Variants in INSC observed in about 807,000 individuals in gnomAD.
INSC encodes the protein protein inscuteable homolog.
A neutral mutation model predicts 58.6 loss-of-function variants in INSC; 67 were observed. The observed-to-expected ratio is 1.14, with a 90% CI of 0.94 to 1.40. The LOEUF (loss-of-function observed/expected upper bound fraction) is 1.40, where lower values mean the gene tolerates loss of function less well. INSC is among the 40% of genes most tolerant of loss of function. INSC has a pLI of 0.00. For synonymous variants in INSC, 262 were observed against 276.1 expected, an observed-to-expected ratio of 0.95 and a Z score of 0.51; for missense variants, 714 against 692.0, an observed-to-expected ratio of 1.03 and a Z score of -0.36.
At position 15,244,526 on chromosome 11, in the gene INSC, C is replaced by T. The variant is rs77500970; in HGVS notation, c.1471-1386C>T. On this transcript the variant is annotated intron_variant, in intron 12 of 12. Transcript: ENST00000379556. ...GTCCAGGTAATGAGTGGTACCCCTG[C>T]CTTGTGCTCAATATAACCTTGTATC... Among the ~76,000 whole-genome samples the T allele has an allele frequency of 4.4e-3, 675 of 152,234 alleles. 2 individuals carry two copies. The highest frequency in any genetic ancestry group is 0.015 in the African/African-American group (643 of 41,530).
intron 1 of INSC, among the ~76,000 whole-genome samples, chr11:15,139,897 A>G (rs1233930672): frequency 6.6e-6 from 1 of 152,190 alleles, no homozygotes. Context: ...TTTTCAGCTC[A>G]GAGCTAGCTC....
At chr11:15,256,239 C>T in the INSC span, among the ~76,000 whole-genome samples, 2 of 152,182 alleles carry the variant, frequency 1.3e-5, no homozygotes, top group Non-Finnish European at 2.9e-5. Context: ...CCATGCATGA[C>T]TTGAGGAACA....
At chr11:15,158,724 A>G (rs1378487109) in intron 2 of INSC, among the ~76,000 whole-genome samples, 2 of 152,098 alleles carry the variant, frequency 1.3e-5, no homozygotes, top group Non-Finnish European at 2.9e-5. Context: ...GGGGGTAATA[A>G]TACTACTTCC....
intron 7 of INSC, among the ~76,000 whole-genome samples, chr11:15,209,605 A>G (rs562426453): frequency 2.0e-4 from 30 of 152,070 alleles, no homozygotes; most frequent in African/African-American, 6.5e-4. Flanking sequence ...CTTCCCCACC[A>G]AGAGACACTA....
At chr11:15,190,904 C>G (rs1476689266) in intron 6 of INSC, 90 bp downstream of exon 6, 1 of 830,104 alleles carries the variant, frequency 1.2e-6, no homozygotes, top group East Asian at 2.5e-5. Flanking sequence ...CTCACGAGGT[C>G]TGTCTTGGCC....
In INSC at chr11:15,226,204, G is replaced by A. The variant is rs139199555; in HGVS notation, c.1170+376G>A. Among the ~76,000 whole-genome samples the A allele has an allele frequency of 2.8e-3, 425 of 152,184 alleles. 3 individuals carry two copies. The highest frequency in any genetic ancestry group is 9.3e-3 in the African/African-American group (388 of 41,528). On this transcript the variant is annotated intron_variant, in intron 9 of 12. Transcript: ENST00000379556. ...CTGGGAGGCGGAAAGACCCATGGAA[G>A]GTGCCTAGACCTCCTCTGAAGGTCT...
intron 7 of INSC, among the ~76,000 whole-genome samples, chr11:15,219,510 G>A (rs557278610): frequency 6.6e-6 from 1 of 152,300 alleles, no homozygotes; most frequent in South Asian, 2.1e-4. Context: ...CAGAGCAGCA[G>A]TCTGGACTAG....
the INSC span, among the ~76,000 whole-genome samples, chr11:15,259,104 A>G: frequency 6.6e-6 from 1 of 152,190 alleles, no homozygotes; most frequent in African/African-American, 2.4e-5. Flanking sequence ...ATCAAATTCC[A>G]ATACAACTCA....
chr11:15,121,512 T>A (rs1266324055), intron 1 of INSC, among the ~76,000 whole-genome samples: 1 of 152,218 alleles, frequency 6.6e-6, no homozygotes, highest in East Asian at 1.9e-4. Context: ...CCAGTGCTGG[T>A]GATGGGAGCT....
chr11:15,120,029 C>T (rs1020406653), intron 1 of INSC, among the ~76,000 whole-genome samples: 2 of 152,242 alleles, frequency 1.3e-5, no homozygotes, highest in East Asian at 3.8e-4. Context: ...CCAGCTCTGA[C>T]TCATCCTTGG....
At chr11:15,239,824 G>T (rs770319535) in intron 11 of INSC, among the ~76,000 whole-genome samples, 5 of 152,154 alleles carry the variant, frequency 3.3e-5, no homozygotes, top group Non-Finnish European at 7.4e-5. Flanking sequence ...TGGGTAAGTT[G>T]CTCCTATGTG....
intron 1 of INSC, among the ~76,000 whole-genome samples, chr11:15,140,321 A>G (rs750674851): frequency 6.6e-6 from 1 of 152,096 alleles, no homozygotes; most frequent in Admixed American, 6.5e-5. Context: ...ATTTCCTCGT[A>G]CTTGATAACC....
At chr11:15,235,331 G>T (rs1453779570) in intron 9 of INSC, 2 of 478,698 alleles carry the variant, frequency 4.2e-6, no homozygotes, top group Non-Finnish European at 7.7e-6. Context: ...TTCACCCAGG[G>T]TTATGCTAGT....
At chr11:15,219,471 T>G (rs1348098258) in intron 7 of INSC, among the ~76,000 whole-genome samples, 1 of 152,084 alleles carries the variant, frequency 6.6e-6, no homozygotes, top group Non-Finnish European at 1.5e-5. Flanking sequence ...ATGCAGTATA[T>G]GTCAGGGATG....
At chr11:15,248,980 T>C, downstream of INSC, among the ~76,000 whole-genome samples, 1 of 152,068 alleles carries the variant, frequency 6.6e-6, no homozygotes, top group East Asian at 1.9e-4. Context: ...CAAAGTCCAC[T>C]GACAGCTGCA....
chr11:15,183,057 G>C (rs1849834067), intron 5 of INSC, among the ~76,000 whole-genome samples: 1 of 152,094 alleles, frequency 6.6e-6, no homozygotes, highest in Admixed American at 6.6e-5. Flanking sequence ...ATTAGAAATT[G>C]TGTATTTTGG....
At chr11:15,142,488 T>C (rs1189410577) in intron 1 of INSC, among the ~76,000 whole-genome samples, 1 of 152,258 alleles carries the variant, frequency 6.6e-6, no homozygotes, top group Non-Finnish European at 1.5e-5. Context: ...GTTGCAGTGA[T>C]GCCCTGAGAA....
At position 15,230,019 on chromosome 11, in the gene INSC, TA is replaced by T. The variant is rs1304424920; in HGVS notation, c.1170+4192del. On this transcript the variant is annotated intron_variant, in intron 9 of 12. Coordinates refer to ENST00000379556, the MANE Select transcript of INSC (RefSeq NM_001042536.3). ...TATATATATATATATATATAATATATATATATATATATATATATATAAAAGC... is the reference window on the plus strand; with the variant it reads ...TATATATATATATATATATAATATATTATATATATATATATATATAAAAGC... Among the ~76,000 whole-genome samples the T allele has an allele frequency of 1.6e-3, 82 of 50,776 alleles. 8 individuals carry two copies. The highest frequency in any genetic ancestry group is 7.7e-3 in the African/African-American group (77 of 10,036). The allele number at this position is 50,776 out of a possible 152,430, so 33.3% of individuals were successfully genotyped here.
chr11:15,211,312 G>T (rs1191106589), intron 7 of INSC, among the ~76,000 whole-genome samples: 1 of 152,148 alleles, frequency 6.6e-6, no homozygotes. Context: ...TTGAACACTT[G>T]TTCACATCCT....
Sources: allele counts gnomAD v4.1 joint callset (sites outside exome capture counted in the v4.1 genomes callset), GRCh38; gene constraint gnomAD v4.1.1; transcripts MANE v1.5; gene names NCBI Gene and HGNC (gene_info 2026-07-23, HGNC 2026-07-21).